The following TTC28 variants were observed in gnomAD, a reference collection of about 807,000 sequenced individuals.
TTC28 encodes the protein tetratricopeptide repeat domain 28, also known as tetratricopeptide repeat protein 28.
A neutral mutation model predicts 198.0 loss-of-function variants in TTC28; 61 were observed. The observed-to-expected ratio is 0.31, with a 90% confidence interval of 0.25 to 0.38. The LOEUF (loss-of-function observed/expected upper bound fraction) is 0.38. TTC28 is among the 10% of genes least tolerant of loss of function. The pLI is 1.00. For missense variants in TTC28, 2,678 were observed against 3,164.0 expected, an observed-to-expected ratio of 0.85 and a Z score of 3.69; for synonymous variants, 1,171 against 1,297.8, an observed-to-expected ratio of 0.90 and a Z score of 2.10.
intron 2 of TTC28, among the ~76,000 whole-genome samples, chr22:28,591,028 CACACACACACACAT>C (rs1470883181): frequency 0.014 from 1,110 of 77,028 alleles, 3 homozygotes; most frequent in Non-Finnish European, 0.02. Flanking sequence ...CACACACACA[CACACACACACACAT>C]ATATATATAT....
At chr22:28,034,487 T>C (rs554385384) in intron 12 of TTC28, among the ~76,000 whole-genome samples, 1 of 152,180 alleles carries the variant, frequency 6.6e-6, no homozygotes, top group Non-Finnish European at 1.5e-5. Context: ...ACCTGAAGAT[T>C]CTGGCTCAGA....
chr22:28,379,702 A>G (rs187166374), intron 2 of TTC28, among the ~76,000 whole-genome samples: 82 of 152,320 alleles, frequency 5.4e-4, no homozygotes, highest in South Asian at 2.3e-3. Context: ...TTAGTTGCAC[A>G]ACAATGTGAA....
intron 14 of TTC28, among the ~76,000 whole-genome samples, chr22:28,010,725 T>TCGGGAA (rs1216449985): frequency 6.6e-6 from 1 of 152,096 alleles, no homozygotes; most frequent in Non-Finnish European, 1.5e-5. Context: ...TCAAAGCTCC[T>TCGGGAA]CGGGAACAGG....
chr22:28,351,528 T>C (rs925061171), intron 2 of TTC28, among the ~76,000 whole-genome samples: 1 of 152,118 alleles, frequency 6.6e-6, no homozygotes, highest in African/African-American at 2.4e-5. Context: ...CATATTATAG[T>C]TTTGTAGAAT....
chr22:28,141,900 T>A (rs537418685), intron 6 of TTC28, among the ~76,000 whole-genome samples: 3 of 152,330 alleles, frequency 2.0e-5, no homozygotes, highest in Admixed American at 6.5e-5. Flanking sequence ...GATTCATTTA[T>A]TACACCAAAA....
chr22:28,048,151 C>T (rs184639949), intron 12 of TTC28, among the ~76,000 whole-genome samples: 3 of 151,784 alleles, frequency 2.0e-5, no homozygotes, highest in East Asian at 1.9e-4. Flanking sequence ...GGGTTCCTGG[C>T]CTCTGAGAAG....
chr22:28,310,417 A>C (rs1222366882), intron 2 of TTC28, among the ~76,000 whole-genome samples: 1 of 152,238 alleles, frequency 6.6e-6, no homozygotes, highest in Non-Finnish European at 1.5e-5. Context: ...AGAGGGTTGA[A>C]ATAAAAACAC....
In TTC28 at chr22:27,983,385, T is replaced by C; in HGVS notation, c.6282A>G (p.Arg2094=). 1 of 1,551,324 alleles carries C rather than the reference T, an allele frequency of 6.4e-7. No individual in the cohort carries two copies. Residue 2094 remains arginine, a synonymous_variant, in exon 23 of 23, where the codon AGA becomes AGG. Transcript: ENST00000397906. ...TGCTCCCTTTGGAGCTCACCGAGAC[T>C]CTCATGCCTCCGGCTGTCCCAGGTT... ...QPQPGTAGGM[R]VSVSSKGSIS...
At chr22:28,087,672 C>T (rs1941660067) in intron 12 of TTC28, among the ~76,000 whole-genome samples, 1 of 152,078 alleles carries the variant, frequency 6.6e-6, no homozygotes, top group Admixed American at 6.6e-5. Context: ...GGCAATCAGG[C>T]AGGAGAAGGA....
rs566407944 is a variant in TTC28, at chr22:28,064,189, T to C, written c.3932+29891A>G. On this transcript the variant is annotated intron_variant, in intron 12 of 22. Transcript: ENST00000397906. ...AAGTGAAATACTGATGGTCATGTTA[T>C]ATTTAGTTTGCAAGGCTGCTCCTCA... Among the ~76,000 whole-genome samples the C allele has an allele frequency of 2.6e-5, 4 of 152,324 alleles. No homozygotes were observed. The South Asian group carries it at 6.2e-4, about 24-fold the overall frequency.
intron 5 of TTC28, among the ~76,000 whole-genome samples, chr22:28,224,394 G>A (rs867535031): frequency 1.3e-5 from 2 of 152,072 alleles, no homozygotes; most frequent in South Asian, 2.1e-4. Flanking sequence ...CCTTCTCAAG[G>A]GCCGCTCTGT....
intron 1 of TTC28, among the ~76,000 whole-genome samples, chr22:28,635,003 G>A (rs2051244892): frequency 6.6e-6 from 1 of 152,180 alleles, no homozygotes; most frequent in Non-Finnish European, 1.5e-5. Context: ...ATTAAATTCA[G>A]GAACTAATTT....
intron 12 of TTC28, among the ~76,000 whole-genome samples, chr22:28,042,693 G>A (rs148978173): frequency 9.0e-4 from 137 of 151,484 alleles, no homozygotes; most frequent in Non-Finnish European, 1.3e-3. Flanking sequence ...AAACCTGCAC[G>A]TTGTGCACAT....
chr22:28,295,889 A>T (rs572538597), intron 5 of TTC28, among the ~76,000 whole-genome samples: 1 of 152,340 alleles, frequency 6.6e-6, no homozygotes, highest in South Asian at 2.1e-4. Context: ...TGGCATAATG[A>T]CATAGCTTTT....
chr22:28,255,989 T>A (rs1035795070), intron 5 of TTC28, among the ~76,000 whole-genome samples: 10 of 152,092 alleles, frequency 6.6e-5, no homozygotes, highest in Non-Finnish European at 1.5e-4. Context: ...ATATATTTTT[T>A]AAAAAAGGAA....
At chr22:28,070,533 G>A (rs1484100887) in intron 12 of TTC28, among the ~76,000 whole-genome samples, 1 of 152,142 alleles carries the variant, frequency 6.6e-6, no homozygotes, top group Non-Finnish European at 1.5e-5. Flanking sequence ...TGTAATCTCA[G>A]CACTTTGGGA....
intron 14 of TTC28, among the ~76,000 whole-genome samples, chr22:28,003,649 C>G (rs542824516): frequency 6.6e-6 from 1 of 152,160 alleles, no homozygotes; most frequent in Admixed American, 6.5e-5. Flanking sequence ...CTGTGTGAAC[C>G]GGAGGGAAGC....
chr22:28,263,160 C>T (rs921101828), intron 5 of TTC28, among the ~76,000 whole-genome samples: 5 of 152,004 alleles, frequency 3.3e-5, no homozygotes, highest in African/African-American at 1.2e-4. Context: ...ACAGTTTTTG[C>T]CATCAAAAGA....
At chr22:28,554,878 GA>G (rs201892745) in intron 2 of TTC28, among the ~76,000 whole-genome samples, 1 of 149,336 alleles carries the variant, frequency 6.7e-6, no homozygotes, top group Non-Finnish European at 1.5e-5. Context: ...CTTTTAAAAG[GA>G]AAAAAAAAGA....
Sources: allele counts gnomAD v4.1 joint callset (sites outside exome capture counted in the v4.1 genomes callset), GRCh38; gene constraint gnomAD v4.1.1; transcripts MANE v1.5; gene names NCBI Gene and HGNC (gene_info 2026-07-23, HGNC 2026-07-21).